The following LRRC7 variants were observed in gnomAD, a reference collection of about 807,000 sequenced individuals.
LRRC7 encodes the protein leucine rich repeat containing 7, also known as leucine-rich repeat-containing protein 7.
Under a neutral mutation model 175.7 loss-of-function variants are expected in LRRC7, and 23 were observed. The observed-to-expected ratio is 0.13, with a 90% CI of 0.09 to 0.19. LRRC7 has a LOEUF of 0.19. Ranked by LOEUF, LRRC7 falls within the 10% of genes least tolerant of loss-of-function variation. The pLI, the probability that LRRC7 is intolerant of heterozygous loss-of-function variation, is 1.00. For missense variants in LRRC7, 1,354 were observed against 1,904.7 expected (o/e 0.71, Z 5.38); for synonymous variants, 685 against 680.9 (o/e 1.01, Z -0.09).
At chr1:69,646,797 T>C (rs66463673) in intron 1 of LRRC7, among the ~76,000 whole-genome samples, 10,867 of 152,224 alleles carry the variant, frequency 0.071, 531 homozygotes, top group Non-Finnish European at 0.11. Flanking sequence ...CTAATACATC[T>C]GTTAAATGAT....
chr1:70,112,057 T>C (rs1665561933), intron 26 of LRRC7, among the ~76,000 whole-genome samples: 1 of 152,216 alleles, frequency 6.6e-6, no homozygotes, highest in South Asian at 2.1e-4. Flanking sequence ...TATTTCAAGA[T>C]GCTAAAAGGG....
chr1:69,615,647 CA>C (rs1327249501), intron 1 of LRRC7, among the ~76,000 whole-genome samples: 2 of 151,944 alleles, frequency 1.3e-5, no homozygotes, highest in East Asian at 3.9e-4. Flanking sequence ...TCTATATATA[CA>C]TGCAATTTTA....
intron 21 of LRRC7, 32 bp downstream of exon 21, chr1:70,039,825 C>G (rs1028617394): frequency 5.2e-5 from 80 of 1,536,460 alleles, no homozygotes; most frequent in Non-Finnish European, 6.9e-5. Flanking sequence ...AAGAATATCC[C>G]TCCTGCCTTT....
intron 7 of LRRC7, among the ~76,000 whole-genome samples, chr1:69,916,455 A>C (rs911543847): frequency 6.6e-6 from 1 of 151,428 alleles, no homozygotes; most frequent in African/African-American, 2.4e-5. Context: ...TTGAACATAC[A>C]GAGACTGGTG....
chr1:70,125,708 C>T lies in LRRC7; in HGVS notation c.*3821C>T, dbSNP rs967294534. On this transcript the variant is annotated 3_prime_UTR_variant, in exon 27 of 27. Coordinates refer to ENST00000651989, the MANE Select transcript of LRRC7 (RefSeq NM_001370785.2). Reference sequence around the variant, plus strand: ...TTGGGAGGCTGAGGCAGGAGAATGGCGTGAACCCAGGAGGCGGAGCTTGCA... The same window carrying T: ...TTGGGAGGCTGAGGCAGGAGAATGGTGTGAACCCAGGAGGCGGAGCTTGCA... 2.2e-5 allele frequency among the ~76,000 whole-genome samples: 3 copies of T among 137,502 alleles called. No homozygotes were observed. Among genetic ancestry groups the T allele is most frequent in the Non-Finnish European group, 3.1e-5 (2 of 65,040 alleles). The allele number at this position is 137,502 out of a possible 152,430, so 90.2% of individuals were successfully genotyped here.
At chr1:69,835,774 G>A (rs1044008493) in intron 6 of LRRC7, among the ~76,000 whole-genome samples, 1 of 151,862 alleles carries the variant, frequency 6.6e-6, no homozygotes, top group Non-Finnish European at 1.5e-5. Context: ...ATCTGTCTAG[G>A]ATATTGGTTA....
intron 2 of LRRC7, among the ~76,000 whole-genome samples, chr1:69,720,213 T>G (rs1028857365): frequency 1.5e-4 from 23 of 151,702 alleles, no homozygotes; most frequent in Non-Finnish European, 3.4e-4. Context: ...TTTTGGATTT[T>G]GGAAATAAAC....
intron 7 of LRRC7, among the ~76,000 whole-genome samples, chr1:69,848,229 G>A (rs1411423185): frequency 6.6e-6 from 1 of 152,030 alleles, no homozygotes; most frequent in African/African-American, 2.4e-5. Flanking sequence ...TTAATTCTGT[G>A]AGGGTTTTTT....
chr1:70,036,133 C>A lies in LRRC7; in HGVS notation c.2008C>A (p.His670Asn). ...KEITVEDSFV[H>N]PANEMRIGEL... ...TTATATCTCTCAGGATTCTTTTGTTCATCCAGCTAATGAAATGAGGATTGG... is the reference window on the plus strand; with the variant it reads ...TTATATCTCTCAGGATTCTTTTGTTAATCCAGCTAATGAAATGAGGATTGG... Residue 670 changes from histidine (H) to asparagine (N), a missense_variant, in exon 19 of 27, where the codon CAT becomes AAT. By Grantham distance (68) the His-to-Asn change is moderately conservative (BLOSUM62 1). Around this residue, in one of 4 missense-constraint regions of LRRC7, gnomAD observed 1,032 missense variants for 1,227.2 expected, o/e 0.84. Transcript: ENST00000651989. The A allele has an allele frequency of 6.2e-7, 1 of 1,610,270 alleles. No individual in the cohort carries two copies. The highest frequency in any genetic ancestry group is 1.1e-5 in the South Asian group (1 of 90,314).
intron 2 of LRRC7, 91 bp downstream of exon 2, chr1:69,678,569 C>A: frequency 1.2e-6 from 1 of 841,990 alleles, no homozygotes; most frequent in South Asian, 1.6e-5. Context: ...AATGGTTAGT[C>A]AAGCAATAGA....
intron 7 of LRRC7, among the ~76,000 whole-genome samples, chr1:69,889,723 C>T (rs1251930243): frequency 6.8e-6 from 1 of 146,232 alleles, no homozygotes; most frequent in African/African-American, 2.8e-5. Context: ...GGGAGGATCA[C>T]TTGAGCCTGG....
intron 8 of LRRC7, among the ~76,000 whole-genome samples, chr1:69,975,752 C>T (rs1652748691): frequency 6.6e-6 from 1 of 152,146 alleles, no homozygotes; most frequent in South Asian, 2.1e-4. Context: ...GCCCTCCTTC[C>T]ACCATGCCAA....
intron 7 of LRRC7, among the ~76,000 whole-genome samples, chr1:69,907,746 G>C (rs1339870153): frequency 3.9e-5 from 6 of 152,132 alleles, no homozygotes; most frequent in African/African-American, 9.7e-5. Context: ...TCTCTGTCAG[G>C]CTTTGGTATC....
At chr1:70,000,329 C>A (rs1402475974) in intron 11 of LRRC7, among the ~76,000 whole-genome samples, 1 of 152,100 alleles carries the variant, frequency 6.6e-6, no homozygotes, top group Non-Finnish European at 1.5e-5. Context: ...CATTGTGTTA[C>A]AATTGCTTAC....
At chr1:69,752,208 A>G (rs992040946) in intron 2 of LRRC7, among the ~76,000 whole-genome samples, 2 of 152,156 alleles carry the variant, frequency 1.3e-5, no homozygotes, top group African/African-American at 4.8e-5. Context: ...ATGTTCTTGA[A>G]GTAAGACATG....
intron 2 of LRRC7, among the ~76,000 whole-genome samples, chr1:69,745,974 T>A (rs1044991331): frequency 2.0e-5 from 3 of 151,914 alleles, no homozygotes; most frequent in African/African-American, 7.2e-5. Flanking sequence ...GTCCAAAATA[T>A]CTAAATAGTT....
At position 70,082,787 on chromosome 1, in the gene LRRC7, T is replaced by C. The variant is rs1322569152; in HGVS notation, c.4452+6489T>C. On this transcript the variant is annotated intron_variant, in intron 24 of 26. Coordinates refer to ENST00000651989, the MANE Select transcript of LRRC7 (RefSeq NM_001370785.2). ...TCAATCTTGATACCAGTACATTTTTTTTTTTTTTTTTTTTTTTTTTTTTTT... is the reference window on the plus strand; with the variant it reads ...TCAATCTTGATACCAGTACATTTTTCTTTTTTTTTTTTTTTTTTTTTTTTT... 1.3e-3 allele frequency among the ~76,000 whole-genome samples: 120 copies of C among 95,788 alleles called. 25 individuals are homozygous for C. Among genetic ancestry groups the C allele is most frequent in the South Asian group, 2.2e-3 (5 of 2,244 alleles). 62.8% of individuals were successfully genotyped at this position (95,788 alleles called of 152,430 possible).
chr1:69,976,837 A>G lies in LRRC7; in HGVS notation c.712-3542A>G, dbSNP rs1449479713. Among the ~76,000 whole-genome samples, 4 of 146,428 alleles carry G rather than the reference A, an allele frequency of 2.7e-5. No individual in the cohort carries two copies. The East Asian group carries it at 6.3e-4, about 23-fold the overall frequency. ...AGTTCCCCTCACATTCCCCTTGGAG[A>G]GCTCATTCACGTGAGTTTCTACTTC... On this transcript the variant is annotated intron_variant, in intron 8 of 26. Transcript: ENST00000651989.
intron 7 of LRRC7, among the ~76,000 whole-genome samples, chr1:69,877,429 G>C (rs931753004): frequency 2.0e-5 from 3 of 151,824 alleles, no homozygotes; most frequent in Non-Finnish European, 4.4e-5. Context: ...CTCCAGCCTG[G>C]GCAACAGAAC....
Sources: allele counts gnomAD v4.1 joint callset (sites outside exome capture counted in the v4.1 genomes callset), GRCh38; gene constraint gnomAD v4.1.1; regional missense constraint gnomAD v4.1.1; transcripts MANE v1.5; gene names NCBI Gene and HGNC (gene_info 2026-07-23, HGNC 2026-07-21).